NXPH1: variants seen among roughly 807,000 people sequenced by gnomAD.
The protein encoded by NXPH1 is neurexophilin-1.
A neutral mutation model predicts 23.7 loss-of-function variants in NXPH1; 5 were observed. The ratio of observed to expected loss-of-function variants is 0.21; its 90% CI spans 0.11 to 0.44. NXPH1 has a LOEUF of 0.44. Ranked by LOEUF, NXPH1 falls within the 20% of genes least tolerant of loss-of-function variation. The pLI, the probability that NXPH1 is intolerant of heterozygous loss-of-function variation, is 0.99. For synonymous variants in NXPH1, 144 were observed against 122.2 expected (o/e 1.18, Z -1.18); for missense variants, 324 against 321.6 (o/e 1.01, Z -0.06).
intron 2 of NXPH1, among the ~76,000 whole-genome samples, chr7:8,556,234 G>T (rs1056060153): frequency 6.6e-6 from 1 of 151,660 alleles, no homozygotes; most frequent in Non-Finnish European, 1.5e-5. Context: ...TGTGTTCTGG[G>T]TGTCTACTGC....
At chr7:8,480,552 T>G (rs1049186316) in intron 2 of NXPH1, among the ~76,000 whole-genome samples, 3 of 152,160 alleles carry the variant, frequency 2.0e-5, no homozygotes, top group Non-Finnish European at 1.5e-5. Context: ...CAGTGAGAAT[T>G]TCTAACACTT....
In NXPH1 at chr7:8,581,533, C is replaced by T. The variant is rs115543781; in HGVS notation, c.54+145766C>T. 8.3e-3 allele frequency among the ~76,000 whole-genome samples: 1,258 copies of T among 152,250 alleles called. 21 individuals are homozygous for T. Among genetic ancestry groups the T allele is most frequent in the African/African-American group, 0.029 (1,188 of 41,518 alleles). On this transcript the variant is annotated intron_variant, in intron 2 of 2. Transcript: ENST00000405863. ...GGAACAGCAAGGGGAAAATCTGCCCCCAGGATCCAATCACCTCTCACCAGG... is the reference window on the plus strand; with the variant it reads ...GGAACAGCAAGGGGAAAATCTGCCCTCAGGATCCAATCACCTCTCACCAGG...
chr7:8,631,961 G>T (rs1381175441), intron 2 of NXPH1, among the ~76,000 whole-genome samples: 1 of 152,054 alleles, frequency 6.6e-6, no homozygotes, highest in Admixed American at 6.6e-5. Context: ...TCAGTTTTCT[G>T]GTCTGAAGGA....
intron 2 of NXPH1, among the ~76,000 whole-genome samples, chr7:8,710,887 C>G (rs956118508): frequency 8.7e-6 from 1 of 115,136 alleles, no homozygotes; most frequent in Non-Finnish European, 1.6e-5. Context: ...TGGTCTCGAT[C>G]TCCTGACCTC....
chr7:8,645,773 G>A (rs1420215880), intron 2 of NXPH1, among the ~76,000 whole-genome samples: 1 of 152,006 alleles, frequency 6.6e-6, no homozygotes, highest in Non-Finnish European at 1.5e-5. Context: ...TTACGATGTA[G>A]TAACACAATT....
chr7:8,517,566 T>G (rs1015175481), intron 2 of NXPH1, among the ~76,000 whole-genome samples: 1 of 152,138 alleles, frequency 6.6e-6, no homozygotes, highest in Non-Finnish European at 1.5e-5. Flanking sequence ...GATCTGACTC[T>G]GAGTTTGAAG....
chr7:8,732,026 C>T lies in NXPH1; in HGVS notation c.55-18982C>T, dbSNP rs150469521. On this transcript the variant is annotated intron_variant, in intron 2 of 2. Transcript: ENST00000405863. ...GGCATAGGACCCTCCGAGCCAGGTG[C>T]GGGATATAATCTCCTGGTGCGCCAT... Among the ~76,000 whole-genome samples, 69 of 152,342 alleles carry T rather than the reference C, an allele frequency of 4.5e-4. 1 individual carries two copies. Among genetic ancestry groups the T allele is most frequent in the African/African-American group, 1.4e-3 (60 of 41,570 alleles).
rs77571842 is a variant in NXPH1, at chr7:8,451,470, A to G, written c.54+15703A>G. Among the ~76,000 whole-genome samples the G allele has an allele frequency of 5.9e-3, 893 of 152,322 alleles. 20 individuals are homozygous for G. Among genetic ancestry groups the G allele is most frequent in the East Asian group, 0.041 (215 of 5,186 alleles). ...TGAACAAATTATTTTGGGAATATGA[A>G]CATACCAATGTCATCCCAAGTTTTT... On this transcript the variant is annotated intron_variant, in intron 2 of 2. Transcript: ENST00000405863.
intron 2 of NXPH1, among the ~76,000 whole-genome samples, chr7:8,533,529 G>A (rs1193068370): frequency 1.3e-5 from 2 of 152,096 alleles, no homozygotes; most frequent in Non-Finnish European, 2.9e-5. Context: ...GGGGAATCAT[G>A]AAGAAAATGT....
chr7:8,694,907 G>A (rs1821281317), intron 2 of NXPH1, among the ~76,000 whole-genome samples: 1 of 152,134 alleles, frequency 6.6e-6, no homozygotes, highest in Non-Finnish European at 1.5e-5. Flanking sequence ...TTCAGGGCAG[G>A]ATTTGGGATT....
chr7:8,680,864 G>A (rs574685123), intron 2 of NXPH1, among the ~76,000 whole-genome samples: 2 of 152,320 alleles, frequency 1.3e-5, no homozygotes, highest in South Asian at 2.1e-4. Flanking sequence ...AAGCCATGAG[G>A]AAAATTTCTA....
intron 2 of NXPH1, among the ~76,000 whole-genome samples, chr7:8,520,140 C>T (rs534425016): frequency 6.6e-6 from 1 of 152,216 alleles, no homozygotes; most frequent in African/African-American, 2.4e-5. Context: ...TCATGTGTCA[C>T]GAGAATCTGG....
chr7:8,685,184 C>G (rs997203422), intron 2 of NXPH1, among the ~76,000 whole-genome samples: 2 of 151,752 alleles, frequency 1.3e-5, no homozygotes, highest in Non-Finnish European at 2.9e-5. Flanking sequence ...CAACTGATAA[C>G]TGAGAGTTAT....
intron 2 of NXPH1, among the ~76,000 whole-genome samples, chr7:8,524,273 AT>A (rs1817827289): frequency 6.8e-6 from 1 of 146,336 alleles, no homozygotes; most frequent in East Asian, 2.0e-4. Flanking sequence ...AAGGAAAGCT[AT>A]TTTCATACTT....
intron 2 of NXPH1, among the ~76,000 whole-genome samples, chr7:8,493,324 C>T (rs1316282205): frequency 6.6e-6 from 1 of 152,042 alleles, no homozygotes; most frequent in Non-Finnish European, 1.5e-5. Flanking sequence ...CTGGCTATTT[C>T]ATCACGGCTG....
intron 2 of NXPH1, among the ~76,000 whole-genome samples, chr7:8,505,454 G>A (rs1475620704): frequency 6.6e-6 from 1 of 151,932 alleles, no homozygotes; most frequent in Non-Finnish European, 1.5e-5. Context: ...GAATACCTAT[G>A]CCTAGAAATA....
chr7:8,616,742 G>T (rs562687469), intron 2 of NXPH1, among the ~76,000 whole-genome samples: 2 of 151,784 alleles, frequency 1.3e-5, no homozygotes, highest in African/African-American at 4.8e-5. Context: ...GGCAAAAAAG[G>T]TAGGTAAAGA....
In NXPH1 at chr7:8,628,248, G is replaced by A. The variant is rs114251663; in HGVS notation, c.55-122760G>A. 1.4e-3 allele frequency among the ~76,000 whole-genome samples: 208 copies of A among 152,112 alleles called. 2 individuals are homozygous for A. Among genetic ancestry groups the A allele is most frequent in the African/African-American group, 4.6e-3 (193 of 41,534 alleles). ...AAATGAAAAAGTGCAAAGAAAAAAC[G>A]TCACTAACATGTTACAGAGTTTGAT... On this transcript the variant is annotated intron_variant, in intron 2 of 2. Coordinates refer to ENST00000405863, the MANE Select transcript of NXPH1 (RefSeq NM_152745.3).
At chr7:8,643,234 C>G (rs77846394) in intron 2 of NXPH1, among the ~76,000 whole-genome samples, 2,328 of 152,078 alleles carry the variant, frequency 0.015, 60 homozygotes, top group African/African-American at 0.054. Context: ...TGATAAATAG[C>G]TGGTACATTT....
Sources: gnomAD v4.1 joint callset for allele counts (sites outside exome capture counted in the v4.1 genomes callset) on GRCh38, gnomAD v4.1.1 for gene constraint, MANE v1.5 for transcripts, NCBI Gene and HGNC (gene_info 2026-07-23, HGNC 2026-07-21) for gene names.